The following TSHZ2 variants were observed in gnomAD, a reference collection of about 807,000 sequenced individuals.
TSHZ2 encodes teashirt zinc finger homeobox 2.
In TSHZ2, 21 loss-of-function variants were observed where a neutral mutation model predicts 74.4. The observed-to-expected ratio is 0.28, with a 90% CI of 0.20 to 0.41. The LOEUF is 0.41. Among genes scored for constraint, TSHZ2 ranks in the 10% least tolerant of loss-of-function variants. The probability of loss-of-function intolerance (pLI) is 1.00; values close to 1 mark genes in which losing one functional copy is unlikely to be tolerated. For missense variants in TSHZ2, 1,244 were observed against 1,293.5 expected (o/e 0.96, Z 0.59); for synonymous variants, 540 against 515.3 (o/e 1.05, Z -0.65).
At chr20:53,005,383 G>A (rs2252221) in intron 1 of TSHZ2, among the ~76,000 whole-genome samples, 65,165 of 152,008 alleles carry the variant, frequency 0.43, 14,346 homozygotes, top group Non-Finnish European at 0.47. Flanking sequence ...ATAAAATGTT[G>A]AAGCTGGAGA....
intron 1 of TSHZ2, among the ~76,000 whole-genome samples, chr20:53,108,626 T>TC (rs397936327): frequency 7.6e-6 from 1 of 132,358 alleles, no homozygotes; most frequent in Non-Finnish European, 1.8e-5. Flanking sequence ...GGCTCCAATA[T>TC]CCAGTAGGAT....
chr20:53,036,692 T>C (rs1983831869), intron 1 of TSHZ2, among the ~76,000 whole-genome samples: 1 of 148,000 alleles, frequency 6.8e-6, no homozygotes, highest in African/African-American at 2.4e-5. Context: ...TATGTGTATG[T>C]ATTACTATGT....
intron 1 of TSHZ2, among the ~76,000 whole-genome samples, chr20:53,128,197 TAAAGA>T (rs1285148411): frequency 6.6e-6 from 1 of 152,182 alleles, no homozygotes; most frequent in African/African-American, 2.4e-5. Flanking sequence ...GACAGGGACT[TAAAGA>T]AAACAAATTC....
At chr20:53,430,014 TG>T (rs1211048973) in intron 2 of TSHZ2, among the ~76,000 whole-genome samples, 1 of 152,136 alleles carries the variant, frequency 6.6e-6, no homozygotes, top group East Asian at 1.9e-4. Flanking sequence ...TACTTCCAAA[TG>T]TTCTCTGAGG....
intron 1 of TSHZ2, among the ~76,000 whole-genome samples, chr20:53,202,853 C>A (rs192614406): frequency 6.6e-6 from 1 of 152,260 alleles, no homozygotes; most frequent in East Asian, 1.9e-4. Flanking sequence ...TGTAATACTT[C>A]CAGCCTTGGG....
chr20:53,276,793 C>T (rs930872356), intron 2 of TSHZ2, among the ~76,000 whole-genome samples: 1 of 152,046 alleles, frequency 6.6e-6, no homozygotes, highest in African/African-American at 2.4e-5. Flanking sequence ...GGTGTTGGTC[C>T]GGGGACCACA....
rs796805528 is a variant in TSHZ2, at chr20:52,983,356, A to G, written c.40+10023A>G. ...TACATGGGTTCTTCCTCACAAATGAATGTTTTTTATTCTTGCACTTAATTG... is the reference window on the plus strand; with the variant it reads ...TACATGGGTTCTTCCTCACAAATGAGTGTTTTTTATTCTTGCACTTAATTG... On this transcript the variant is annotated intron_variant, in intron 1 of 2. Transcript: ENST00000371497. 2.2e-4 allele frequency among the ~76,000 whole-genome samples: 33 copies of G among 152,326 alleles called. 1 individual carries two copies. The highest frequency in any genetic ancestry group is 7.9e-4 in the African/African-American group (33 of 41,568).
intron 1 of TSHZ2, among the ~76,000 whole-genome samples, chr20:53,034,632 A>G (rs1288105998): frequency 2.0e-5 from 3 of 152,250 alleles, no homozygotes; most frequent in African/African-American, 4.8e-5. Context: ...TTGAGGAAGG[A>G]ACATGAAAAC....
chr20:53,303,383 C>A (rs1426331025), intron 2 of TSHZ2, among the ~76,000 whole-genome samples: 2 of 152,140 alleles, frequency 1.3e-5, no homozygotes, highest in South Asian at 2.1e-4. Flanking sequence ...GTTTAAAAAG[C>A]CTTCATTTAA....
intron 2 of TSHZ2, among the ~76,000 whole-genome samples, chr20:53,351,331 A>C (rs1429466202): frequency 1.3e-5 from 2 of 152,198 alleles, no homozygotes; most frequent in East Asian, 3.8e-4. Context: ...ATTTCCTTTG[A>C]ACTCCAAACA....
chr20:53,124,379 C>T (rs1986891769), intron 1 of TSHZ2, among the ~76,000 whole-genome samples: 2 of 152,184 alleles, frequency 1.3e-5, no homozygotes, highest in Non-Finnish European at 2.9e-5. Context: ...GAACAAACTG[C>T]TCAAGCAGTG....
intron 1 of TSHZ2, among the ~76,000 whole-genome samples, chr20:53,101,423 A>G (rs1986214176): frequency 6.6e-6 from 1 of 152,206 alleles, no homozygotes; most frequent in Non-Finnish European, 1.5e-5. Flanking sequence ...AAAACCAATC[A>G]TTGTAGCAAC....
At chr20:53,216,582 A>G (rs1024994278) in intron 1 of TSHZ2, among the ~76,000 whole-genome samples, 1 of 152,200 alleles carries the variant, frequency 6.6e-6, no homozygotes, top group Non-Finnish European at 1.5e-5. Flanking sequence ...TCTGGTGTTA[A>G]TGCCATCTTA....
chr20:53,469,045 T>TTA (rs143724013), intron 2 of TSHZ2, among the ~76,000 whole-genome samples: 1,475 of 48,976 alleles, frequency 0.03, 55 homozygotes, highest in Middle Eastern at 0.059. Context: ...AATCGATATT[T>TTA]TATATATATA....
intron 1 of TSHZ2, among the ~76,000 whole-genome samples, chr20:53,203,692 G>A (rs1989067030): frequency 6.6e-6 from 1 of 152,092 alleles, no homozygotes; most frequent in Admixed American, 6.5e-5. Flanking sequence ...CCAGACATAG[G>A]CTTTACCAAG....
chr20:53,185,446 A>G, intron 1 of TSHZ2: 2 of 1,340,306 alleles, frequency 1.5e-6, no homozygotes, highest in Non-Finnish European at 1.9e-6. Flanking sequence ...AGGCCGAGGC[A>G]GGCAGATCAG....
At chr20:53,184,391 G>A (rs1172640286) in intron 1 of TSHZ2, among the ~76,000 whole-genome samples, 1 of 152,048 alleles carries the variant, frequency 6.6e-6, no homozygotes, top group Non-Finnish European at 1.5e-5. Flanking sequence ...ACGCATCTTG[G>A]AGTTACTGTG....
intron 1 of TSHZ2, among the ~76,000 whole-genome samples, chr20:53,105,644 A>G (rs1986340442): frequency 6.6e-6 from 1 of 151,350 alleles, no homozygotes; most frequent in Non-Finnish European, 1.5e-5. Context: ...TTTTATTTTT[A>G]TTTTTATTTA....
chr20:53,078,836 A>T (rs886248001), intron 1 of TSHZ2, among the ~76,000 whole-genome samples: 4 of 152,214 alleles, frequency 2.6e-5, no homozygotes, highest in Non-Finnish European at 4.4e-5. Context: ...TGGTAAAGGT[A>T]AAAATCGTAA....
Sources: allele counts gnomAD v4.1 joint callset (sites outside exome capture counted in the v4.1 genomes callset), GRCh38; gene constraint gnomAD v4.1.1; transcripts MANE v1.5; gene names NCBI Gene and HGNC (gene_info 2026-07-23, HGNC 2026-07-21).